The following KCNIP4 variants were observed in gnomAD, a reference collection of about 807,000 sequenced individuals.
KCNIP4 encodes Kv channel-interacting protein 4.
In KCNIP4, 12 loss-of-function variants were observed where a neutral mutation model predicts 34.0. The observed-to-expected ratio is 0.35, with a 90% CI of 0.23 to 0.57. KCNIP4 has a LOEUF of 0.57. KCNIP4 is among the 20% of genes least tolerant of loss of function. The probability of loss-of-function intolerance (pLI) is 0.83; values close to 1 mark genes in which losing one functional copy is unlikely to be tolerated. For synonymous variants in KCNIP4, 124 were observed against 102.2 expected (o/e 1.21, Z -1.29); for missense variants, 238 against 311.7 (o/e 0.76, Z 1.78).
rs144321570 is a variant in KCNIP4, at chr4:21,301,032, A to G, written c.62-418323T>C. 1.8e-4 allele frequency among the ~76,000 whole-genome samples: 27 copies of G among 152,246 alleles called. No individual in the cohort carries two copies. The East Asian group carries it at 5.2e-3, about 29-fold the overall frequency. Reference sequence around the variant, plus strand: ...TTATATTCTCAGGAGAAAGAATGTTACCTGCTAACTGTAACTCTTGGGTTA... The same window carrying G: ...TTATATTCTCAGGAGAAAGAATGTTGCCTGCTAACTGTAACTCTTGGGTTA... On this transcript the variant is annotated intron_variant, in intron 1 of 8. Transcript: ENST00000382152.
At chr4:20,739,245 C>T (rs1331251030) in intron 5 of KCNIP4, among the ~76,000 whole-genome samples, 1 of 152,204 alleles carries the variant, frequency 6.6e-6, no homozygotes, top group Non-Finnish European at 1.5e-5. Flanking sequence ...GTTCTCCCAG[C>T]ATGGAGTTTG....
At chr4:21,062,485 G>A (rs1005355936) in intron 1 of KCNIP4, among the ~76,000 whole-genome samples, 1 of 151,834 alleles carries the variant, frequency 6.6e-6, no homozygotes, top group Non-Finnish European at 1.5e-5. Context: ...ATTAGTCAAG[G>A]TTCTCCAGAG....
chr4:21,841,657 C>T (rs893227790), intron 1 of KCNIP4, among the ~76,000 whole-genome samples: 4 of 151,974 alleles, frequency 2.6e-5, no homozygotes, highest in African/African-American at 7.3e-5. Flanking sequence ...ATCATTGAAC[C>T]ATATGAAATC....
intron 3 of KCNIP4, among the ~76,000 whole-genome samples, chr4:20,828,537 T>TC (rs1560496014): frequency 6.6e-6 from 1 of 152,220 alleles, no homozygotes; most frequent in Non-Finnish European, 1.5e-5. Context: ...AGAAGGCTGA[T>TC]ACTCAGATAC....
chr4:21,449,910 T>C (rs1728370624), intron 1 of KCNIP4, among the ~76,000 whole-genome samples: 1 of 152,056 alleles, frequency 6.6e-6, no homozygotes, highest in Non-Finnish European at 1.5e-5. Context: ...ACTTTCCATC[T>C]CTGTATAAAT....
chr4:21,772,469 CA>C (rs1445341206), intron 1 of KCNIP4, among the ~76,000 whole-genome samples: 1 of 152,000 alleles, frequency 6.6e-6, no homozygotes, highest in Non-Finnish European at 1.5e-5. Context: ...CTCTCCTGTT[CA>C]ATTGTTTGGA....
chr4:20,891,226 T>C (rs1052494919), intron 1 of KCNIP4, among the ~76,000 whole-genome samples: 4 of 152,188 alleles, frequency 2.6e-5, no homozygotes, highest in African/African-American at 9.7e-5. Context: ...TTTTTCTTCC[T>C]AGATTTTAAG....
intron 1 of KCNIP4, among the ~76,000 whole-genome samples, chr4:20,942,497 G>A (rs1731741439): frequency 6.6e-6 from 1 of 152,084 alleles, no homozygotes; most frequent in African/African-American, 2.4e-5. Context: ...AGCACCAGGT[G>A]GTTTGTGCGT....
chr4:21,760,918 C>G (rs928831909), intron 1 of KCNIP4, among the ~76,000 whole-genome samples: 1 of 152,078 alleles, frequency 6.6e-6, no homozygotes, highest in Admixed American at 6.6e-5. Context: ...GATATTCATT[C>G]ACCAACTACT....
intron 1 of KCNIP4, among the ~76,000 whole-genome samples, chr4:21,882,330 A>T (rs916009521): frequency 9.2e-5 from 14 of 152,188 alleles, no homozygotes; most frequent in Admixed American, 6.6e-4. Flanking sequence ...GTCACACAGC[A>T]TTCAAATCTG....
At chr4:21,001,279 G>A (rs968932302) in intron 1 of KCNIP4, among the ~76,000 whole-genome samples, 1 of 152,086 alleles carries the variant, frequency 6.6e-6, no homozygotes, top group East Asian at 1.9e-4. Context: ...TTTCCCCTTG[G>A]GAGAAAACAC....
intron 1 of KCNIP4, chr4:21,697,514 G>A: frequency 1.4e-6 from 2 of 1,479,936 alleles, no homozygotes; most frequent in Non-Finnish European, 1.8e-6. Context: ...TAAAAAGAGA[G>A]TCTCTGAGGA....
chr4:21,009,013 G>GAA (rs71655611), intron 1 of KCNIP4, among the ~76,000 whole-genome samples: 6 of 151,688 alleles, frequency 4.0e-5, no homozygotes, highest in Non-Finnish European at 8.8e-5. Context: ...TATTGCACTA[G>GAA]AAAAAAAATA....
chr4:21,053,039 A>G (rs890111265), intron 1 of KCNIP4, among the ~76,000 whole-genome samples: 2 of 137,246 alleles, frequency 1.5e-5, no homozygotes, highest in Non-Finnish European at 3.1e-5. Context: ...ACACACACAC[A>G]TATATATATA....
intron 1 of KCNIP4, among the ~76,000 whole-genome samples, chr4:21,381,479 A>C (rs1460315469): frequency 6.6e-6 from 1 of 152,206 alleles, no homozygotes; most frequent in Non-Finnish European, 1.5e-5. Flanking sequence ...ATTCATGTAC[A>C]TAGAAAAGAT....
chr4:20,776,620 C>G (rs988040041), intron 3 of KCNIP4, among the ~76,000 whole-genome samples: 8 of 152,140 alleles, frequency 5.3e-5, no homozygotes, highest in Non-Finnish European at 1.5e-5. Context: ...CAACTAATAT[C>G]TCCTTCTTTA....
chr4:20,838,020 T>C (rs1419631476), intron 3 of KCNIP4, among the ~76,000 whole-genome samples: 1 of 151,988 alleles, frequency 6.6e-6, no homozygotes, highest in South Asian at 2.1e-4. Flanking sequence ...ACCAATTAGT[T>C]ACTTCAAAAA....
At chr4:21,274,941 A>G (rs1264018883) in intron 1 of KCNIP4, among the ~76,000 whole-genome samples, 1 of 152,174 alleles carries the variant, frequency 6.6e-6, no homozygotes, top group African/African-American at 2.4e-5. Context: ...TAAATGTGAC[A>G]ATCTAGGTCC....
intron 1 of KCNIP4, among the ~76,000 whole-genome samples, chr4:21,116,753 C>T (rs765920436): frequency 3.3e-5 from 5 of 152,132 alleles, no homozygotes; most frequent in Admixed American, 6.5e-5. Flanking sequence ...CATGCCCTGC[C>T]CTGGTCAAAC....
Sources: allele counts gnomAD v4.1 joint callset (sites outside exome capture counted in the v4.1 genomes callset), GRCh38; gene constraint gnomAD v4.1.1; transcripts MANE v1.5; gene names NCBI Gene and HGNC (gene_info 2026-07-23, HGNC 2026-07-21).